Variants in GNAS observed in about 807,000 individuals in gnomAD.
GNAS encodes the protein GNAS complex locus.
A neutral mutation model predicts 54.5 loss-of-function variants in GNAS; 8 were observed. The observed-to-expected ratio is 0.15, with a 90% confidence interval of 0.09 to 0.26. The LOEUF (loss-of-function observed/expected upper bound fraction) is 0.26. Among genes scored for constraint, GNAS ranks in the 10% least tolerant of loss-of-function variants. The pLI is 1.00. For synonymous variants in GNAS, 204 were observed against 191.4 expected, an observed-to-expected ratio of 1.07 and a Z score of -0.54; for missense variants, 170 against 529.8, an observed-to-expected ratio of 0.32 and a Z score of 6.67.
chr20:58,858,040 A>G (rs1429838188), intron 1 of GNAS, among the ~76,000 whole-genome samples: 1 of 152,208 alleles, frequency 6.6e-6, no homozygotes, highest in Non-Finnish European at 1.5e-5. Context: ...AGCAGGCTAC[A>G]GTTTTTGACC....
chr20:58,865,450 T>TTA (rs200364183), intron 1 of GNAS, among the ~76,000 whole-genome samples: 173 of 147,740 alleles, frequency 1.2e-3, no homozygotes, highest in Middle Eastern at 3.6e-3. Context: ...ATATTTTATA[T>TTA]TATATATATA....
chr20:58,870,380 T>C (rs1396066823), intron 1 of GNAS, among the ~76,000 whole-genome samples: 5 of 152,250 alleles, frequency 3.3e-5, no homozygotes, highest in Admixed American at 1.3e-4. Flanking sequence ...GGTGACCCTG[T>C]AGACCGTGGG....
Position 58,910,800 on chromosome 20 carries a change from A to C in GNAS, c.1156A>C (p.Met386Leu). The change falls in exon 13 of 13, where the codon ATG becomes CTG. Residue 386 changes from methionine to leucine, a missense_variant. This residue lies in a region of GNAS where 36 missense variants were observed against 223.0 expected (regional missense o/e 0.16). Transcript: ENST00000371085. This position sits in a 1 kb window ranked among gnomAD's most constrained non-coding sequence, Gnocchi z 5.8. ...FNDCRDIIQRMHLRQYELL is the reference protein window; with the variant it reads ...FNDCRDIIQRLHLRQYELL ...CGACTGCCGTGACATCATTCAGCGCATGCACCTTCGTCAGTACGAGCTGCT... is the reference window on the plus strand; with the variant it reads ...CGACTGCCGTGACATCATTCAGCGCCTGCACCTTCGTCAGTACGAGCTGCT... 1 of 1,614,194 alleles carries C rather than the reference A, an allele frequency of 6.2e-7. No individual in the cohort carries two copies. The highest frequency in any genetic ancestry group is 8.5e-7 in the Non-Finnish European group (1 of 1,180,030).
At position 58,853,092 on chromosome 20, in the gene GNAS, G is replaced by C. The variant is rs765866006; in HGVS notation, c.43+12206G>C. 25 of 1,416,522 alleles carry C rather than the reference G, an allele frequency of 1.8e-5. No individual in the cohort carries two copies. Among genetic ancestry groups the C allele is most frequent in the Non-Finnish European group, 2.2e-5 (24 of 1,091,554 alleles). 87.7% of individuals were successfully genotyped at this position (1,416,522 alleles called of 1,614,324 possible). On this transcript the variant is annotated intron_variant, in intron 1 of 12. Coordinates refer to the GNAS transcript ENST00000306090. The surrounding 1 kb of genome is among the most constrained non-coding windows in gnomAD (Gnocchi z 4.4). ...TGAGTTGCTTCAGCCTCAGTCTAGG[G>C]TTCCTTCCAGGCCTTGAACCCCCCA...
intron 1 of GNAS, among the ~76,000 whole-genome samples, chr20:58,881,286 GT>G (rs1340502671): frequency 6.6e-6 from 1 of 152,190 alleles, no homozygotes; most frequent in Admixed American, 6.5e-5. Flanking sequence ...AGTAAAAGGA[GT>G]GGTGCTTTAA....
upstream of GNAS, chr20:58,889,419 G>A: frequency 3.1e-6 from 3 of 976,200 alleles, no homozygotes; most frequent in Non-Finnish European, 3.6e-6. Context: ...AAGAGCCGCC[G>A]GGTCCGGGAC....
At chr20:58,899,963 A>C in intron 3 of GNAS, 2 of 717,646 alleles carry the variant, frequency 2.8e-6, no homozygotes, top group South Asian at 3.0e-5. Context: ...TAATATCCCT[A>C]GATGATGGCT....
Position 58,909,664 on chromosome 20 carries a change from C to G in GNAS, c.719-20C>G. 1.2e-6 allele frequency: 2 copies of G among 1,614,178 alleles called. No homozygotes were observed. Among genetic ancestry groups the G allele is most frequent in the Non-Finnish European group, 1.7e-6 (2 of 1,180,026 alleles). On this transcript the variant is annotated intron_variant, in intron 9 of 12. Transcript: ENST00000371085. This position sits in a 1 kb window ranked among gnomAD's most constrained non-coding sequence, Gnocchi z 7.3. ...TCAGGGTCGCTGCTCACGCTCTTGG[C>G]TTTGCTCTCTTTGGTTAAGATGTGA...
Position 58,898,590 on chromosome 20 carries a change from C to T in GNAS, c.213-351C>T. On this transcript the variant is annotated intron_variant, in intron 2 of 12. Coordinates refer to ENST00000371085, the MANE Select transcript of GNAS (RefSeq NM_000516.7). Reference sequence around the variant, plus strand: ...GGAGCCTTATGCGCTGCCATATTCTCCAAAGAATTGTGAGATAAATCACTG... The same window carrying T: ...GGAGCCTTATGCGCTGCCATATTCTTCAAAGAATTGTGAGATAAATCACTG... 3 of 364,254 alleles carry T rather than the reference C, an allele frequency of 8.2e-6. No homozygotes were observed. The East Asian group carries it at 1.5e-4, about 18-fold the overall frequency. 22.6% of individuals were successfully genotyped at this position (364,254 alleles called of 1,614,324 possible). A position where few individuals can be genotyped will look rare whatever the true frequency, so the allele number is the denominator to read the frequency against.
chr20:58,880,367 A>G (rs978430085), intron 1 of GNAS, among the ~76,000 whole-genome samples: 1 of 152,122 alleles, frequency 6.6e-6, no homozygotes, highest in African/African-American at 2.4e-5. Context: ...CGCAGCCTTG[A>G]TCCTTTATTT....
chr20:58,841,203 G>A lies in GNAS; in HGVS notation c.43+317G>A. On this transcript the variant is annotated intron_variant, in intron 1 of 12. Transcript: ENST00000306090. This position sits in a 1 kb window ranked among gnomAD's most constrained non-coding sequence, Gnocchi z 5.0. ...CCGAACGCACCCCAGATTTGGAGCTGCACACCCAAACGGCATTGGTAAGTC... is the reference window on the plus strand; with the variant it reads ...CCGAACGCACCCCAGATTTGGAGCTACACACCCAAACGGCATTGGTAAGTC... The A allele has an allele frequency of 1.7e-6, 1 of 600,280 alleles. No individual in the cohort carries two copies. The highest frequency in any genetic ancestry group is 2.4e-6 in the Non-Finnish European group (1 of 415,282). The allele number at this position is 600,280 out of a possible 1,614,324, so 37.2% of individuals were successfully genotyped here.
chr20:58,892,127 C>T (rs1568981430), intron 1 of GNAS: 2 of 965,298 alleles, frequency 2.1e-6, no homozygotes, highest in Non-Finnish European at 2.5e-6. Context: ...CTCAGTGTCT[C>T]TCTCTTGCTC....
At chr20:58,864,971 G>A (rs1342830284) in intron 1 of GNAS, among the ~76,000 whole-genome samples, 8 of 148,474 alleles carry the variant, frequency 5.4e-5, no homozygotes, top group South Asian at 2.2e-4. Context: ...ACACACGCAC[G>A]CACACTCTCT....
intron 1 of GNAS, among the ~76,000 whole-genome samples, chr20:58,894,454 A>C (rs982705689): frequency 2.6e-5 from 4 of 152,244 alleles, no homozygotes; most frequent in Non-Finnish European, 4.4e-5. Flanking sequence ...AAGGCAAGTA[A>C]AGGAGGAATG....
intron 1 of GNAS, among the ~76,000 whole-genome samples, chr20:58,869,179 G>C (rs2087269024): frequency 6.6e-6 from 1 of 152,194 alleles, no homozygotes; most frequent in Non-Finnish European, 1.5e-5. Context: ...GTTCTCCTGG[G>C]AACTGGTCCT....
chr20:58,892,900 C>T (rs2089622555), intron 1 of GNAS, among the ~76,000 whole-genome samples: 1 of 134,990 alleles, frequency 7.4e-6, no homozygotes, highest in Non-Finnish European at 1.6e-5. Context: ...GCAGCGCCCC[C>T]CCAACACTAT....
Position 58,840,962 on chromosome 20 carries a change from A to G in GNAS, c.43+76A>G, listed in dbSNP as rs1360013967. The G allele has an allele frequency of 7.3e-6, 11 of 1,498,348 alleles. No homozygotes were observed. The highest frequency in any genetic ancestry group is 1.0e-5 in the Non-Finnish European group (11 of 1,091,268). The allele number at this position is 1,498,348 out of a possible 1,614,324, so 92.8% of individuals were successfully genotyped here. A position where few individuals can be genotyped will look rare whatever the true frequency, so the allele number is the denominator to read the frequency against. On this transcript the variant is annotated intron_variant, in intron 1 of 12. Coordinates refer to the GNAS transcript ENST00000306090. The surrounding 1 kb of genome is among the most constrained non-coding windows in gnomAD (Gnocchi z 6.0). ...CGCAGGTGGAAAGGAGGTGAGAAGG[A>G]AAGGCAGGTCAGGGGCGAGTGGGAA...
chr20:58,895,909 G>C (rs1302000453), intron 2 of GNAS, among the ~76,000 whole-genome samples: 2 of 151,986 alleles, frequency 1.3e-5, no homozygotes, highest in African/African-American at 2.4e-5. Flanking sequence ...ACCAGTGTTT[G>C]TGACAAACAT....
At chr20:58,880,841 T>C (rs952254094) in intron 1 of GNAS, among the ~76,000 whole-genome samples, 1 of 152,224 alleles carries the variant, frequency 6.6e-6, no homozygotes, top group Non-Finnish European at 1.5e-5. Flanking sequence ...CCTTTAGTCA[T>C]AGTTTTTTGT....
Sources: allele counts gnomAD v4.1 joint callset (sites outside exome capture counted in the v4.1 genomes callset), GRCh38; gene constraint gnomAD v4.1.1; regional missense constraint gnomAD v4.1.1; non-coding constraint Gnocchi (gnomAD v3.1); transcripts MANE v1.5; gene names NCBI Gene and HGNC (gene_info 2026-07-23, HGNC 2026-07-21).